APP: variants seen among roughly 807,000 people sequenced by gnomAD.
APP encodes the protein amyloid beta precursor protein.
Under a neutral mutation model 101.4 loss-of-function variants are expected in APP, and 31 were observed. The ratio of observed to expected loss-of-function variants is 0.31; its 90% CI spans 0.23 to 0.41. The LOEUF (loss-of-function observed/expected upper bound fraction) is 0.41, where lower values mean the gene tolerates loss of function less well. Among genes scored for constraint, APP ranks in the 10% least tolerant of loss-of-function variants. The pLI, the probability that APP is intolerant of heterozygous loss-of-function variation, is 1.00. For synonymous variants in APP, 366 were observed against 364.4 expected (o/e 1.00, Z -0.05); for missense variants, 839 against 1,003.7 (o/e 0.84, Z 2.22).
chr21:26,019,972 A>G (rs1288474094), intron 6 of APP, among the ~76,000 whole-genome samples: 1 of 152,266 alleles, frequency 6.6e-6, no homozygotes, highest in African/African-American at 2.4e-5. Context: ...CTTATGTGCT[A>G]AAGTGAGTAA....
intron 11 of APP, among the ~76,000 whole-genome samples, chr21:25,964,791 G>T (rs917865069): frequency 1.3e-5 from 2 of 151,724 alleles, no homozygotes; most frequent in Non-Finnish European, 2.9e-5. Flanking sequence ...GTAGAGACAG[G>T]GTTTCTCCAT....
At chr21:26,031,689 G>T (rs993975585) in intron 5 of APP, among the ~76,000 whole-genome samples, 1 of 107,320 alleles carries the variant, frequency 9.3e-6, no homozygotes, top group African/African-American at 3.8e-5. Flanking sequence ...CAGCCCCCAT[G>T]AATCAATTAC....
intron 3 of APP, among the ~76,000 whole-genome samples, chr21:26,067,107 T>C (rs138545594): frequency 7.7e-4 from 117 of 152,208 alleles, no homozygotes; most frequent in African/African-American, 2.7e-3. Flanking sequence ...AGGCCACATA[T>C]CTAATTTAAA....
rs761864553 is a variant in APP, at chr21:25,911,807, G to A, written c.1843C>T (p.Leu615=). 2 of 1,614,198 alleles carry A rather than the reference G, an allele frequency of 1.2e-6. No individual in the cohort carries two copies. The highest frequency in any genetic ancestry group is 2.2e-5 in the East Asian group (1 of 44,884). The change falls in exon 14 of 18, where the codon CTG becomes TTG. Residue 615 remains leucine, a synonymous_variant. Coordinates refer to ENST00000346798, the MANE Select transcript of APP (RefSeq NM_000484.4). The stretch of plus-strand genomic sequence containing the variant: ...GAATGCCACGGCTGGAGATCGTCCA[G>A]GCTGAACTCTCCATTCACGGGAAGG... ...ELLPVNGEFS[L]DDLQPWHSFG...
intron 11 of APP, among the ~76,000 whole-genome samples, chr21:25,959,283 A>C (rs1051390777): frequency 2.6e-5 from 4 of 152,112 alleles, no homozygotes. Flanking sequence ...AAATACAAAA[A>C]TTAGCAAGGC....
Position 26,170,595 on chromosome 21 carries a change from A to T in APP, c.26T>A (p.Leu9Gln). Residue 9 changes from leucine to glutamine, a missense_variant, in exon 1 of 18, where the codon CTG becomes CAG. By Grantham distance (113) the Leu-to-Gln change is moderately radical. Coordinates refer to ENST00000346798, the MANE Select transcript of APP (RefSeq NM_000484.4). ...CGCCCGAGCCGTCCAGGCGGCCAGC[A>T]GGAGCAGTGCCAAACCGGGCAGCAT... Reference protein sequence around the residue: MLPGLALLLLAAWTARALE... With the variant: MLPGLALLQLAAWTARALE... 1 of 1,538,948 alleles carries T rather than the reference A, an allele frequency of 6.5e-7. No individual in the cohort carries two copies. The highest frequency in any genetic ancestry group is 8.7e-7 in the Non-Finnish European group (1 of 1,146,452).
At chr21:26,015,467 TAGC>T (rs1236278269) in intron 6 of APP, among the ~76,000 whole-genome samples, 1 of 152,232 alleles carries the variant, frequency 6.6e-6, no homozygotes, top group East Asian at 1.9e-4. Flanking sequence ...ACACAGTTAG[TAGC>T]TTGTAAGGCA....
At chr21:25,895,089 A>G (rs1336346782) in intron 16 of APP, among the ~76,000 whole-genome samples, 1 of 148,110 alleles carries the variant, frequency 6.8e-6, no homozygotes, top group African/African-American at 2.5e-5. Flanking sequence ...TTTTACTAAT[A>G]AAAGTAAAGT....
intron 13 of APP, chr21:25,934,729 C>G (rs1043662293): frequency 6.6e-6 from 1 of 152,282 alleles, no homozygotes; most frequent in Non-Finnish European, 1.5e-5. Flanking sequence ...CCACAACACC[C>G]GGCCGAATGT....
chr21:25,936,078 G>A lies in APP; in HGVS notation c.1687+18512C>T, dbSNP rs149152638. 4.3e-3 allele frequency among the ~76,000 whole-genome samples: 653 copies of A among 152,286 alleles called. 2 individuals are homozygous for A. Among genetic ancestry groups the A allele is most frequent in the African/African-American group, 0.014 (577 of 41,566 alleles). The stretch of plus-strand genomic sequence containing the variant: ...TAGACAGTAGCTGAGGAACGATGAA[G>A]AGGATCTACCCAAAGTATGAATAAG... On this transcript the variant is annotated intron_variant, in intron 13 of 17. Coordinates refer to ENST00000346798, the MANE Select transcript of APP (RefSeq NM_000484.4).
chr21:26,040,233 T>A (rs2045312059), intron 5 of APP, among the ~76,000 whole-genome samples: 1 of 152,238 alleles, frequency 6.6e-6, no homozygotes, highest in South Asian at 2.1e-4. Context: ...TTTTGGATTT[T>A]AGGGCATTTC....
chr21:26,160,944 T>C (rs965937293), intron 1 of APP, among the ~76,000 whole-genome samples: 9 of 152,184 alleles, frequency 5.9e-5, no homozygotes, highest in African/African-American at 9.6e-5. Flanking sequence ...CAATAAAATG[T>C]TCCAAAAAGA....
At chr21:25,900,239 G>A (rs1181845153) in intron 15 of APP, among the ~76,000 whole-genome samples, 1 of 152,050 alleles carries the variant, frequency 6.6e-6, no homozygotes, top group East Asian at 1.9e-4. Context: ...CTGTTATTAA[G>A]ATCTGGCAAC....
At chr21:26,040,018 C>T (rs547997309) in intron 5 of APP, among the ~76,000 whole-genome samples, 26 of 152,004 alleles carry the variant, frequency 1.7e-4, no homozygotes, top group African/African-American at 5.8e-4. Flanking sequence ...TGGGATATTT[C>T]CATACATATA....
chr21:25,956,810 A>G (rs1180068054), intron 11 of APP, among the ~76,000 whole-genome samples: 1 of 152,132 alleles, frequency 6.6e-6, no homozygotes, highest in Non-Finnish European at 1.5e-5. Context: ...TGCTTAGTTA[A>G]CTTAGGAGCC....
intron 13 of APP, among the ~76,000 whole-genome samples, chr21:25,947,150 G>T (rs1410116353): frequency 6.6e-6 from 1 of 152,044 alleles, no homozygotes; most frequent in Non-Finnish European, 1.5e-5. Flanking sequence ...ATTTTTAAAG[G>T]TCATTATCAA....
At chr21:26,057,727 G>A (rs1319901120) in intron 3 of APP, among the ~76,000 whole-genome samples, 4 of 152,114 alleles carry the variant, frequency 2.6e-5, no homozygotes, top group African/African-American at 9.7e-5. Context: ...AGAGCCAACT[G>A]GCAGAAGAAC....
intron 5 of APP, among the ~76,000 whole-genome samples, chr21:26,024,817 T>C (rs977066918): frequency 3.9e-5 from 6 of 152,120 alleles, no homozygotes; most frequent in Non-Finnish European, 5.9e-5. Context: ...GTGGAACGCC[T>C]TTCTAACTCT....
intron 14 of APP, among the ~76,000 whole-genome samples, chr21:25,907,028 C>T (rs1484875140): frequency 1.3e-5 from 2 of 152,160 alleles, no homozygotes; most frequent in African/African-American, 4.8e-5. Context: ...TCTTTCTGAA[C>T]TTCAGTTGTG....
Sources: gnomAD v4.1 joint callset for allele counts (sites outside exome capture counted in the v4.1 genomes callset) on GRCh38, gnomAD v4.1.1 for gene constraint, MANE v1.5 for transcripts, NCBI Gene and HGNC (gene_info 2026-07-23, HGNC 2026-07-21) for gene names.